The following NUP205 variants were observed in gnomAD, a reference collection of about 807,000 sequenced individuals.
NUP205 encodes the protein nucleoporin 205.
A neutral mutation model predicts 253.8 loss-of-function variants in NUP205; 76 were observed. The observed-to-expected ratio is 0.30, with a 90% CI of 0.25 to 0.36. NUP205 has a LOEUF of 0.36. Among genes scored for constraint, NUP205 ranks in the 10% least tolerant of loss-of-function variants. The probability of loss-of-function intolerance (pLI) is 1.00; values close to 1 mark genes in which losing one functional copy is unlikely to be tolerated. For missense variants in NUP205, 2,162 were observed against 2,425.5 expected (o/e 0.89, Z 2.28); for synonymous variants, 832 against 850.1 (o/e 0.98, Z 0.37).
At position 135,617,144 on chromosome 7, in the gene NUP205, C is replaced by G. The variant is rs1212855678; in HGVS notation, c.3587C>G (p.Pro1196Arg). 1.2e-6 allele frequency: 2 copies of G among 1,613,762 alleles called. No individual in the cohort carries two copies. The highest frequency in any genetic ancestry group is 2.2e-5 in the East Asian group (1 of 44,864). Residue 1196 changes from proline (P) to arginine (R), a missense_variant, in exon 26 of 43, where the codon CCT (proline) becomes CGT (arginine). Physicochemically the swap from Pro to Arg is moderately radical, Grantham distance 103. Around this residue, in one of 5 missense-constraint regions of NUP205, gnomAD observed 1,144 missense variants for 1,280.9 expected, o/e 0.89. Coordinates refer to ENST00000285968, the MANE Select transcript of NUP205 (RefSeq NM_015135.3). Reference sequence around the variant, plus strand: ...TCGATTGACTTCAGTCAGGAGATCCCTGAGCCTTTGCAGTTGGATTTTTTT... The same window carrying G: ...TCGATTGACTTCAGTCAGGAGATCCGTGAGCCTTTGCAGTTGGATTTTTTT... ...LDSIDFSQEI[P>R]EPLQLDFFDR...
intron 10 of NUP205, among the ~76,000 whole-genome samples, chr7:135,588,983 A>G (rs1157528771): frequency 6.6e-6 from 1 of 150,888 alleles, no homozygotes; most frequent in Non-Finnish European, 1.5e-5. Flanking sequence ...ATTTGAGACC[A>G]GCCTGGGCAA....
In NUP205 at chr7:135,591,577, T is replaced by C. The variant is rs1451862605; in HGVS notation, c.1601T>C (p.Leu534Pro). ...PQCAHYCFSL[L>P]KVNGSSHVEN... Reference sequence around the variant, plus strand: ...TGTGCCCACTACTGTTTCAGCCTGCTCAAAGTCAATGGTAGTAGTCATGGT... The same window carrying C: ...TGTGCCCACTACTGTTTCAGCCTGCCCAAAGTCAATGGTAGTAGTCATGGT... The change falls in exon 11 of 43, where the codon CTC becomes CCC. Residue 534 changes from leucine (L) to proline (P), a missense_variant. By Grantham distance (98) the Leu-to-Pro change is moderately conservative. Around this residue, in one of 5 missense-constraint regions of NUP205, gnomAD observed 892 missense variants for 957.1 expected, o/e 0.93. Coordinates refer to ENST00000285968, the MANE Select transcript of NUP205 (RefSeq NM_015135.3). 2 of 1,613,166 alleles carry C rather than the reference T, an allele frequency of 1.2e-6. No individual in the cohort carries two copies. Among genetic ancestry groups the C allele is most frequent in the Non-Finnish European group, 1.7e-6 (2 of 1,179,830 alleles).
At chr7:135,571,299 G>A (rs1805991499) in intron 2 of NUP205, 52 bp downstream of exon 2, 5 of 1,164,786 alleles carry the variant, frequency 4.3e-6, no homozygotes, top group Non-Finnish European at 5.7e-6. Context: ...TTTTAAGATC[G>A]AGGAAGGAAG....
chr7:135,646,042 A>T (rs978536555), intron 41 of NUP205, 116 bp from the exon 42 acceptor site: 5 of 711,176 alleles, frequency 7.0e-6, no homozygotes, highest in Non-Finnish European at 1.2e-5. Flanking sequence ...TGAGTTCCCA[A>T]TCTTGAGCCG....
At chr7:135,581,379 T>C (rs75081551) in intron 7 of NUP205, among the ~76,000 whole-genome samples, 5,164 of 151,802 alleles carry the variant, frequency 0.034, 117 homozygotes, top group Middle Eastern at 0.1. Flanking sequence ...CCTCATCTCT[T>C]CAAAAAATTA....
chr7:135,644,769 T>C (rs1461441678), intron 39 of NUP205, 126 bp from the exon 40 acceptor site: 11 of 893,688 alleles, frequency 1.2e-5, no homozygotes, highest in East Asian at 2.7e-5. Flanking sequence ...AAAACTCTTA[T>C]CTGCAAGGAT....
At chr7:135,583,999 AC>A (rs1451115197) in intron 7 of NUP205, among the ~76,000 whole-genome samples, 1 of 151,264 alleles carries the variant, frequency 6.6e-6, no homozygotes, top group African/African-American at 2.4e-5. Flanking sequence ...GCGCTACCAC[AC>A]CCGGCTAATT....
In NUP205 at chr7:135,607,523, TA is replaced by T. The variant is rs1794113463; in HGVS notation, c.3195+155del. The stretch of plus-strand genomic sequence containing the variant: ...GTCTTTCATTTGTGGATAAAATCCG[TA>T]AAGCACAAACCCCAAGTTCTTATAG... On this transcript the variant is annotated intron_variant, in intron 22 of 42. Coordinates refer to ENST00000285968, the MANE Select transcript of NUP205 (RefSeq NM_015135.3). 8.3e-6 allele frequency: 7 copies of T among 841,566 alleles called. No individual in the cohort carries two copies. In the South Asian group the frequency reaches 1.2e-4, roughly 14 times the overall value. 52.1% of individuals were successfully genotyped at this position (841,566 alleles called of 1,614,324 possible).
intron 35 of NUP205, chr7:135,635,377 C>T (rs1471231887): frequency 2.8e-6 from 1 of 354,210 alleles, no homozygotes; most frequent in Non-Finnish European, 5.1e-6. Flanking sequence ...TTTAGATTGG[C>T]TTTGAATGCG....
chr7:135,582,239 C>T (rs770475495), intron 7 of NUP205, among the ~76,000 whole-genome samples: 2 of 151,944 alleles, frequency 1.3e-5, no homozygotes, highest in East Asian at 1.9e-4. Flanking sequence ...GAGTCAAGAT[C>T]GCACCACTGC....
chr7:135,645,353 G>T, intron 40 of NUP205, 115 bp from the exon 41 acceptor site: 1 of 1,064,380 alleles, frequency 9.4e-7, no homozygotes, highest in Non-Finnish European at 1.4e-6. Flanking sequence ...GTTAGACTGA[G>T]GCTGTGGGTA....
chr7:135,578,853 C>A lies in NUP205; in HGVS notation c.980C>A (p.Ala327Asp), dbSNP rs1177839122. The change falls in exon 7 of 43, where the codon GCC becomes GAC. Residue 327 changes from alanine to aspartate, a missense_variant. By Grantham distance (126) the Ala-to-Asp change is moderately radical (BLOSUM62 -2). Transcript: ENST00000285968. Reference sequence around the variant, plus strand: ...CTTTGGAAACTGCCTGGGCTCCAAGCCACTGTTAGACTTGCCTGGGCGCTG... The same window carrying A: ...CTTTGGAAACTGCCTGGGCTCCAAGACACTGTTAGACTTGCCTGGGCGCTG... ...SQLWKLPGLQ[A>D]TVRLAWALAL... 1 of 1,612,104 alleles carries A rather than the reference C, an allele frequency of 6.2e-7. No individual in the cohort carries two copies. The highest frequency in any genetic ancestry group is 1.7e-5 in the Admixed American group (1 of 59,362).
chr7:135,632,806 T>C (rs1794739323), intron 35 of NUP205, among the ~76,000 whole-genome samples: 1 of 152,138 alleles, frequency 6.6e-6, no homozygotes, highest in Non-Finnish European at 1.5e-5. Context: ...TTTCCAGGAC[T>C]TAACTAATTA....
chr7:135,620,966 GCTTTATATA>G (rs1794459927), intron 30 of NUP205, among the ~76,000 whole-genome samples: 1 of 152,164 alleles, frequency 6.6e-6, no homozygotes. Context: ...AGTATATAAT[GCTTTATATA>G]CTTTATAGAC....
chr7:135,588,833 G>C (rs550755921), intron 10 of NUP205, among the ~76,000 whole-genome samples: 12 of 151,548 alleles, frequency 7.9e-5, no homozygotes, highest in African/African-American at 2.9e-4. Flanking sequence ...TGAGTCTGTA[G>C]ATAATACAGG....
Position 135,622,919 on chromosome 7 carries a change from T to G in NUP205, c.4473T>G (p.Ile1491Met), listed in dbSNP as rs760199233. 6.2e-7 allele frequency: 1 copy of G among 1,613,958 alleles called. No individual in the cohort carries two copies. The change falls in exon 31 of 43, where the codon ATT becomes ATG. Residue 1491 changes from isoleucine to methionine, a missense_variant. Transcript: ENST00000285968. ...GAGATGCTTGTGATGGTCATGAGAT[T>G]GGAAGGGTAAAGCAACTCTTATTTA... ...VCRDACDGHE[I>M]GRMLALALLD...
rs1358166394 is a variant in NUP205, at chr7:135,648,429, T to C, written c.5912T>C (p.Phe1971Ser). The C allele has an allele frequency of 6.3e-7, 1 of 1,596,838 alleles. No individual in the cohort carries two copies. Among genetic ancestry groups the C allele is most frequent in the Non-Finnish European group, 8.5e-7 (1 of 1,174,728 alleles). Residue 1971 changes from phenylalanine to serine, a missense_variant, in exon 43 of 43, where the codon TTT becomes TCT. Physicochemically the swap from Phe to Ser is radical, Grantham distance 155 (BLOSUM62 -2). Coordinates refer to ENST00000285968, the MANE Select transcript of NUP205 (RefSeq NM_015135.3). Reference protein sequence around the residue: ...DQLQADAINAFGESLQKKLLD... With the variant: ...DQLQADAINASGESLQKKLLD... Reference sequence around the variant, plus strand: ...CTTCAGGCTGATGCAATCAACGCTTTTGGAGAATCACTACAAAAGAAACTT... The same window carrying C: ...CTTCAGGCTGATGCAATCAACGCTTCTGGAGAATCACTACAAAAGAAACTT...
chr7:135,639,712 T>A (rs773656287), intron 38 of NUP205, among the ~76,000 whole-genome samples: 24 of 151,682 alleles, frequency 1.6e-4, no homozygotes, highest in Non-Finnish European at 3.4e-4. Context: ...AAAAAATTAG[T>A]TTAACCCAAA....
chr7:135,592,266 A>C (rs1244675457), intron 11 of NUP205, among the ~76,000 whole-genome samples: 1 of 152,216 alleles, frequency 6.6e-6, no homozygotes, highest in Non-Finnish European at 1.5e-5. Context: ...TATGCAATGG[A>C]GTAGTGTAAT....
Sources: gnomAD v4.1 joint callset for allele counts (sites outside exome capture counted in the v4.1 genomes callset) on GRCh38, gnomAD v4.1.1 for gene constraint, gnomAD v4.1.1 regional missense constraint, MANE v1.5 for transcripts, NCBI Gene and HGNC (gene_info 2026-07-23, HGNC 2026-07-21) for gene names.